Variants in DCC observed in about 807,000 individuals in gnomAD.
DCC encodes the protein DCC netrin 1 receptor, also known as netrin receptor DCC.
DCC carries 58 observed loss-of-function variants against 172.5 expected under a neutral mutation model. The observed-to-expected ratio is 0.34, with a 90% CI of 0.27 to 0.42. The LOEUF is 0.42. Among genes scored for constraint, DCC ranks in the 10% least tolerant of loss-of-function variants. DCC has a pLI of 1.00. For synonymous variants in DCC, 709 were observed against 644.5 expected, an observed-to-expected ratio of 1.10 and a Z score of -1.52; for missense variants, 1,740 against 1,791.0, an observed-to-expected ratio of 0.97 and a Z score of 0.51.
chr18:52,534,886 C>T (rs2032247669), intron 1 of DCC, among the ~76,000 whole-genome samples: 1 of 152,138 alleles, frequency 6.6e-6, no homozygotes, highest in South Asian at 2.1e-4. Flanking sequence ...ACCTACCTGG[C>T]ATATTGGCTT....
At chr18:53,058,277 G>A (rs190617002) in intron 5 of DCC, among the ~76,000 whole-genome samples, 1 of 152,148 alleles carries the variant, frequency 6.6e-6, no homozygotes, top group Non-Finnish European at 1.5e-5. Flanking sequence ...TACAGAAAAG[G>A]AATGAGAAAA....
chr18:53,140,232 G>T lies in DCC; in HGVS notation c.1262-17124G>T, dbSNP rs141381200. Among the ~76,000 whole-genome samples, 981 of 152,120 alleles carry T rather than the reference G, an allele frequency of 6.4e-3. 8 individuals are homozygous for T. Among genetic ancestry groups the T allele is most frequent in the Middle Eastern group, 0.037 (11 of 294 alleles). ...ATTTCAGTCTTGGTGAAACAGATTTGCTCAGTTTTAAAATATATATTAGAA... is the reference window on the plus strand; with the variant it reads ...ATTTCAGTCTTGGTGAAACAGATTTTCTCAGTTTTAAAATATATATTAGAA... On this transcript the variant is annotated intron_variant, in intron 7 of 28. Transcript: ENST00000442544.
chr18:52,400,740 T>C lies in DCC; in HGVS notation c.91+59862T>C, dbSNP rs369360039. The stretch of plus-strand genomic sequence containing the variant: ...CTGGATAAAGAAAATGTGGCACATA[T>C]ACACCATGGAATACTATGCAGCCAT... On this transcript the variant is annotated intron_variant, in intron 1 of 28. Coordinates refer to ENST00000442544, the MANE Select transcript of DCC (RefSeq NM_005215.4). 2.3e-4 allele frequency among the ~76,000 whole-genome samples: 35 copies of C among 152,174 alleles called. 1 individual carries two copies. The highest frequency in any genetic ancestry group is 7.2e-4 in the African/African-American group (30 of 41,520).
At chr18:53,303,153 C>T (rs2057160324) in intron 12 of DCC, among the ~76,000 whole-genome samples, 1 of 151,966 alleles carries the variant, frequency 6.6e-6, no homozygotes, top group African/African-American at 2.4e-5. Flanking sequence ...CTTTTCTCTC[C>T]CATTTCATGT....
chr18:53,500,718 G>A (rs1105643), intron 27 of DCC, among the ~76,000 whole-genome samples: 45,497 of 151,606 alleles, frequency 0.3, 8,609 homozygotes, highest in Non-Finnish European at 0.44. Context: ...GAGCATGAAA[G>A]CATGTAGGAT....
chr18:52,664,842 T>C (rs2035435973), intron 1 of DCC, among the ~76,000 whole-genome samples: 1 of 152,208 alleles, frequency 6.6e-6, no homozygotes, highest in African/African-American at 2.4e-5. Context: ...CGGCCATTAA[T>C]TTAATTGAAC....
chr18:52,612,583 C>A (rs891147338), intron 1 of DCC, among the ~76,000 whole-genome samples: 3 of 151,952 alleles, frequency 2.0e-5, no homozygotes, highest in Non-Finnish European at 4.4e-5. Flanking sequence ...CATGACTGAA[C>A]CCCTGCCCTC....
chr18:53,133,317 A>G (rs534636696), intron 7 of DCC, among the ~76,000 whole-genome samples: 2 of 152,290 alleles, frequency 1.3e-5, no homozygotes, highest in African/African-American at 2.4e-5. Context: ...ATGTAGTACA[A>G]ATGCTGTAAG....
At chr18:53,097,921 A>G (rs978678880) in intron 7 of DCC, among the ~76,000 whole-genome samples, 1 of 152,088 alleles carries the variant, frequency 6.6e-6, no homozygotes, top group Non-Finnish European at 1.5e-5. Flanking sequence ...TTACCTCCTT[A>G]AAAGCCCTGT....
chr18:52,540,174 G>A (rs1476366504), intron 1 of DCC, among the ~76,000 whole-genome samples: 3 of 152,106 alleles, frequency 2.0e-5, no homozygotes, highest in Non-Finnish European at 4.4e-5. Flanking sequence ...AGTGTCTTAT[G>A]CCCATAATCC....
chr18:52,717,384 C>T (rs1335967238), intron 1 of DCC, among the ~76,000 whole-genome samples: 1 of 150,498 alleles, frequency 6.6e-6, no homozygotes, highest in South Asian at 2.1e-4. Flanking sequence ...ACTTGAGGCT[C>T]GGGCCACTCC....
At chr18:52,859,534 A>AGAGG (rs1268063449) in intron 2 of DCC, among the ~76,000 whole-genome samples, 1 of 152,190 alleles carries the variant, frequency 6.6e-6, no homozygotes, top group Non-Finnish European at 1.5e-5. Context: ...GGACCAGGGA[A>AGAGG]GAGGAGGCCT....
intron 9 of DCC, among the ~76,000 whole-genome samples, chr18:53,179,531 A>G (rs147012950): frequency 0.02 from 3,065 of 152,370 alleles, 39 homozygotes; most frequent in Middle Eastern, 0.027. Context: ...GGACTAATTT[A>G]AAAGCTTGAA....
chr18:52,923,646 A>G (rs997390344), intron 3 of DCC, 61 bp from the exon 4 acceptor site: 2 of 1,310,752 alleles, frequency 1.5e-6, no homozygotes, highest in African/African-American at 1.5e-5. Flanking sequence ...AAATCAAAAT[A>G]TATCATTTAT....
At chr18:52,516,461 CT>C (rs2031644641) in intron 1 of DCC, among the ~76,000 whole-genome samples, 2 of 152,124 alleles carry the variant, frequency 1.3e-5, no homozygotes, top group Admixed American at 1.3e-4. Context: ...GTGTGTGATA[CT>C]TTATTATAGT....
intron 1 of DCC, among the ~76,000 whole-genome samples, chr18:52,400,971 A>C (rs905625101): frequency 3.3e-5 from 5 of 152,088 alleles, no homozygotes; most frequent in African/African-American, 1.2e-4. Flanking sequence ...GAGGGATAGC[A>C]TTAGGAGAAA....
chr18:52,644,991 T>G (rs75179866), intron 1 of DCC, among the ~76,000 whole-genome samples: 10,582 of 152,298 alleles, frequency 0.069, 507 homozygotes, highest in South Asian at 0.19. Flanking sequence ...CTGGTTTATC[T>G]CTTCTATTTA....
chr18:52,900,985 C>T (rs1275580678), intron 2 of DCC, among the ~76,000 whole-genome samples: 1 of 152,160 alleles, frequency 6.6e-6, no homozygotes, highest in Non-Finnish European at 1.5e-5. Flanking sequence ...ACTTACTAAA[C>T]AACAAAGTGT....
At chr18:53,287,080 A>G (rs901102730) in intron 12 of DCC, among the ~76,000 whole-genome samples, 9 of 152,088 alleles carry the variant, frequency 5.9e-5, no homozygotes, top group Non-Finnish European at 1.2e-4. Context: ...CACCACATTA[A>G]TTTTCTAACA....
Sources: gnomAD v4.1 joint callset for allele counts (sites outside exome capture counted in the v4.1 genomes callset) on GRCh38, gnomAD v4.1.1 for gene constraint, MANE v1.5 for transcripts, NCBI Gene and HGNC (gene_info 2026-07-23, HGNC 2026-07-21) for gene names.